The following MSANTD7 variants were observed in gnomAD, a reference collection of about 807,000 sequenced individuals.
MSANTD7 encodes the protein Myb/SANT DNA binding domain containing 7, also known as zinc finger and SCAN domain containing 29.
chr10:14,843,504 C>T, the MSANTD7 span: 1 of 1,550,674 alleles, frequency 6.4e-7, no homozygotes, highest in East Asian at 2.4e-5. Context: ...GCACCAACCG[C>T]AGCACTCCTG....
At chr10:14,846,680 G>A in the MSANTD7 span, 4 of 957,444 alleles carry the variant, frequency 4.2e-6, no homozygotes, top group Non-Finnish European at 5.0e-6. Context: ...GGGGTGTTGT[G>A]AGGATCAAAG....
At chr10:14,838,471 C>A in the MSANTD7 span, 1 of 1,598,314 alleles carries the variant, frequency 6.3e-7, no homozygotes, top group Non-Finnish European at 8.5e-7. Flanking sequence ...TGAGGGGCTG[C>A]GGAGCTGGGC....
chr10:14,840,140 G>A, the MSANTD7 span: 1 of 1,459,496 alleles, frequency 6.9e-7, no homozygotes, highest in Non-Finnish European at 9.2e-7. Flanking sequence ...TGAAAGTAAA[G>A]CAGATCCTGG....
the MSANTD7 span, chr10:14,842,458 C>G: frequency 6.5e-7 from 1 of 1,536,134 alleles, no homozygotes; most frequent in Non-Finnish European, 8.7e-7. The surrounding 1 kb of genome is among the most constrained non-coding windows in gnomAD (Gnocchi z 5.2). Flanking sequence ...TCCGCCGCAC[C>G]GAACGTCAGT....
chr10:14,840,546 A>G, the MSANTD7 span, among the ~76,000 whole-genome samples: 3 of 152,218 alleles, frequency 2.0e-5, no homozygotes, highest in Non-Finnish European at 4.4e-5. Flanking sequence ...TGTAGACACT[A>G]TTGATTTTCT....
the MSANTD7 span, chr10:14,842,296 C>T: frequency 2.0e-6 from 3 of 1,535,772 alleles, no homozygotes; most frequent in South Asian, 3.6e-5. The surrounding 1 kb of genome is among the most constrained non-coding windows in gnomAD (Gnocchi z 5.2). Flanking sequence ...TGGCCAGTGC[C>T]AATAGCAGTG....
the MSANTD7 span, chr10:14,844,489 A>AAAT: frequency 1.1e-6 from 1 of 943,666 alleles, no homozygotes; most frequent in African/African-American, 2.6e-5. Context: ...TCATTAGACG[A>AAAT]CTATAAGCAC....
chr10:14,838,707 T>G, the MSANTD7 span: 3 of 468,106 alleles, frequency 6.4e-6, no homozygotes, highest in South Asian at 3.3e-5. Context: ...CAGGGCGTCA[T>G]GGCGGCGGGA....
chr10:14,844,111 C>T, the MSANTD7 span: 26 of 1,375,884 alleles, frequency 1.9e-5, no homozygotes, highest in East Asian at 2.9e-5. Context: ...TAATAGAAAA[C>T]GATGGAGCCA....
At chr10:14,845,991 T>C in the MSANTD7 span, 1 of 933,460 alleles carries the variant, frequency 1.1e-6, no homozygotes, top group Admixed American at 6.2e-5. Context: ...GAAATTTTAA[T>C]TGTAATATTT....
chr10:14,839,864 T>C, the MSANTD7 span: 27 of 1,458,492 alleles, frequency 1.9e-5, no homozygotes, highest in African/African-American at 3.1e-4. Flanking sequence ...CACGTCTGAA[T>C]ACGTCTAATG....
At chr10:14,845,784 ACTC>A in the MSANTD7 span, 1 of 171,108 alleles carries the variant, frequency 5.8e-6, no homozygotes, top group Non-Finnish European at 1.2e-5. Flanking sequence ...CTAGTCTTGA[ACTC>A]CTGACCTCAG....
chr10:14,846,867 A>C, the MSANTD7 span: 1 of 985,146 alleles, frequency 1.0e-6, no homozygotes, highest in Non-Finnish European at 1.2e-6. Context: ...AGGTTGTGAT[A>C]CACAACCATA....
At chr10:14,839,846 C>G in the MSANTD7 span, 1 of 1,286,048 alleles carries the variant, frequency 7.8e-7, no homozygotes, top group Non-Finnish European at 1.1e-6. Flanking sequence ...CACTGGTGCA[C>G]AAATGCACAC....
At chr10:14,846,052 T>C in the MSANTD7 span, 1 of 972,808 alleles carries the variant, frequency 1.0e-6, no homozygotes, top group Non-Finnish European at 1.2e-6. Flanking sequence ...AATTTTAAGG[T>C]AGCATTCTGT....
the MSANTD7 span, chr10:14,846,731 C>G: frequency 1.0e-6 from 1 of 985,178 alleles, no homozygotes; most frequent in Non-Finnish European, 1.2e-6. Context: ...ATGTAAGGCA[C>G]TGTCATGTAA....
the MSANTD7 span, chr10:14,843,735 T>A: frequency 6.5e-7 from 1 of 1,537,064 alleles, no homozygotes; most frequent in Non-Finnish European, 8.7e-7. Flanking sequence ...TTGCTATTGG[T>A]GAGGAGGCCA....
At chr10:14,845,205 ATTAAACTAAC>A in the MSANTD7 span, 5 of 985,290 alleles carry the variant, frequency 5.1e-6, no homozygotes, top group Non-Finnish European at 6.0e-6. Context: ...ACTCTCTGTC[ATTAAACTAAC>A]TTAAAGCTTT....
the MSANTD7 span, chr10:14,838,471 C>T: frequency 1.9e-6 from 3 of 1,598,196 alleles, no homozygotes; most frequent in East Asian, 2.2e-5. Context: ...TGAGGGGCTG[C>T]GGAGCTGGGC....
Sources: gnomAD v4.1 joint callset for allele counts (sites outside exome capture counted in the v4.1 genomes callset) on GRCh38, gnomAD v4.1.1 for gene constraint, Gnocchi (gnomAD v3.1) non-coding constraint, MANE v1.5 for transcripts, NCBI Gene and HGNC (gene_info 2026-07-23, HGNC 2026-07-21) for gene names.